The following TTLL5 variants were observed in gnomAD, a reference collection of about 807,000 sequenced individuals.
TTLL5 encodes the protein tubulin tyrosine ligase like 5, also known as tubulin polyglutamylase TTLL5.
Under a neutral mutation model 168.4 loss-of-function variants are expected in TTLL5, and 132 were observed. That is an observed-to-expected ratio of 0.78 (90% CI 0.68 to 0.91). The LOEUF is 0.91. TTLL5 is among the 40% of genes least tolerant of loss of function. The pLI, the probability that TTLL5 is intolerant of heterozygous loss-of-function variation, is 0.00. For missense variants in TTLL5, 1,545 were observed against 1,581.5 expected (o/e 0.98, Z 0.39); for synonymous variants, 546 against 558.6 (o/e 0.98, Z 0.32).
chr14:75,882,074 T>C (rs967046059), intron 29 of TTLL5, among the ~76,000 whole-genome samples: 1 of 152,240 alleles, frequency 6.6e-6, no homozygotes, highest in African/African-American at 2.4e-5. Context: ...TAAAATCTTA[T>C]GTTAATCTTT....
chr14:75,810,347 C>T (rs1423641752), intron 27 of TTLL5, among the ~76,000 whole-genome samples: 1 of 152,060 alleles, frequency 6.6e-6, no homozygotes, highest in Non-Finnish European at 1.5e-5. Context: ...TTCTCTCTCT[C>T]TCTCTCTCTG....
chr14:75,688,804 T>TTC (rs2140134013), intron 5 of TTLL5, among the ~76,000 whole-genome samples: 1 of 152,218 alleles, frequency 6.6e-6, no homozygotes, highest in South Asian at 2.1e-4. Context: ...GAGTAGAGAG[T>TTC]AGGAAAAACA....
chr14:75,884,845 C>T (rs2032016855), intron 30 of TTLL5, among the ~76,000 whole-genome samples: 1 of 151,714 alleles, frequency 6.6e-6, no homozygotes, highest in Non-Finnish European at 1.5e-5. Flanking sequence ...GAAAAGTTCC[C>T]CCTATGAAGT....
At chr14:75,894,300 C>T (rs953541695) in intron 30 of TTLL5, among the ~76,000 whole-genome samples, 5 of 152,196 alleles carry the variant, frequency 3.3e-5, no homozygotes, top group Admixed American at 1.3e-4. Flanking sequence ...GCCTGTAATC[C>T]TAGCACTTTG....
At chr14:75,679,436 CT>C (rs1039117520) in intron 3 of TTLL5, among the ~76,000 whole-genome samples, 1 of 152,216 alleles carries the variant, frequency 6.6e-6, no homozygotes, top group Non-Finnish European at 1.5e-5. Flanking sequence ...TGGTTTTAGC[CT>C]GGTGAGACCT....
At chr14:75,783,035 C>G (rs1226725755) in intron 25 of TTLL5, 112 bp from the exon 26 acceptor site, 4 of 1,223,426 alleles carry the variant, frequency 3.3e-6, no homozygotes, top group Non-Finnish European at 4.4e-6. Flanking sequence ...TTCATGATTT[C>G]TGTTTCATGC....
intron 6 of TTLL5, among the ~76,000 whole-genome samples, chr14:75,691,119 A>G (rs1224662944): frequency 6.6e-6 from 1 of 152,126 alleles, no homozygotes; most frequent in African/African-American, 2.4e-5. Context: ...CTCCCCTTTG[A>G]GTTCAGACTA....
rs564045738 is a variant in TTLL5, at chr14:75,672,232, A to G, written c.181+2710A>G. On this transcript the variant is annotated intron_variant, in intron 3 of 31. Coordinates refer to ENST00000298832, the MANE Select transcript of TTLL5 (RefSeq NM_015072.5). ...ACTTTGTCAGAGTGTAATTGCTAGT[A>G]TTTTATTTTATTTTGTTTTATTTTA... is the stretch of plus-strand genomic sequence containing the variant. Among the ~76,000 whole-genome samples, 5 of 152,120 alleles carry G rather than the reference A, an allele frequency of 3.3e-5. No homozygotes were observed. The South Asian group carries it at 6.2e-4, about 19-fold the overall frequency.
chr14:75,836,826 T>C (rs73315487), intron 28 of TTLL5, among the ~76,000 whole-genome samples: 2,608 of 152,252 alleles, frequency 0.017, 71 homozygotes, highest in African/African-American at 0.059. Flanking sequence ...AATGAAGAGA[T>C]GTGTTGTAAT....
At chr14:75,901,995 G>C (rs181412236) in intron 30 of TTLL5, 147 bp from the exon 31 acceptor site, 24 of 671,780 alleles carry the variant, frequency 3.6e-5, no homozygotes, top group Non-Finnish European at 6.1e-5. Context: ...TCTCTGATAA[G>C]GTGACATTTG....
chr14:75,808,297 A>T lies in TTLL5; in HGVS notation c.3172-11710A>T, dbSNP rs144293833. 1.3e-4 allele frequency among the ~76,000 whole-genome samples: 20 copies of T among 152,322 alleles called. No homozygotes were observed. The East Asian group carries it at 3.7e-3, about 28-fold the overall frequency. On this transcript the variant is annotated intron_variant, in intron 27 of 31. Transcript: ENST00000298832. ...TGCCAAGAGAATTTAGTGCTGAGGT[A>T]TTGGAACTGCAGAGATTCCCTGCTT...
chr14:75,677,674 A>G (rs187889143), intron 3 of TTLL5, among the ~76,000 whole-genome samples: 5 of 151,394 alleles, frequency 3.3e-5, no homozygotes, highest in South Asian at 4.2e-4. Context: ...CTGGAGTGCA[A>G]TGGTGTGATC....
chr14:75,836,457 A>AG (rs1284495974), intron 28 of TTLL5, among the ~76,000 whole-genome samples: 1 of 152,118 alleles, frequency 6.6e-6, no homozygotes, highest in Non-Finnish European at 1.5e-5. Flanking sequence ...CAAAAAAAAA[A>AG]TAGAATGAGT....
chr14:75,825,235 A>G (rs186864529), intron 28 of TTLL5, among the ~76,000 whole-genome samples: 13 of 152,322 alleles, frequency 8.5e-5, no homozygotes, highest in African/African-American at 3.1e-4. Flanking sequence ...GAAACTTAAA[A>G]TTGAACTTGC....
At chr14:75,848,203 G>A (rs1896659119) in intron 28 of TTLL5, among the ~76,000 whole-genome samples, 1 of 151,976 alleles carries the variant, frequency 6.6e-6, no homozygotes, top group Admixed American at 6.6e-5. Context: ...TGCTTCCTGG[G>A]GAAAAGAGAA....
intron 12 of TTLL5, among the ~76,000 whole-genome samples, chr14:75,722,833 A>C (rs1003046810): frequency 6.6e-6 from 1 of 152,060 alleles, no homozygotes; most frequent in Admixed American, 6.6e-5. Context: ...CTACCTCTGC[A>C]CCTGTTTTAC....
At chr14:75,734,129 G>T in intron 14 of TTLL5, 79 bp downstream of exon 14, 1 of 1,416,680 alleles carries the variant, frequency 7.1e-7, no homozygotes, top group East Asian at 2.3e-5. Context: ...CATAGGTTTT[G>T]CCAACTGGCA....
At chr14:75,819,906 G>T (rs1894732126) in intron 27 of TTLL5, 101 bp from the exon 28 acceptor site, 3 of 1,317,096 alleles carry the variant, frequency 2.3e-6, no homozygotes, top group Non-Finnish European at 3.1e-6. Context: ...GCTCAGAGGG[G>T]TCAGCATCTG....
chr14:75,742,680 G>A (rs1889347280), intron 15 of TTLL5, among the ~76,000 whole-genome samples: 2 of 152,156 alleles, frequency 1.3e-5, no homozygotes, highest in South Asian at 4.1e-4. Flanking sequence ...ACAGGTGTGA[G>A]CCACCACACC....
Sources: gnomAD v4.1 joint callset for allele counts (sites outside exome capture counted in the v4.1 genomes callset) on GRCh38, gnomAD v4.1.1 for gene constraint, MANE v1.5 for transcripts, NCBI Gene and HGNC (gene_info 2026-07-23, HGNC 2026-07-21) for gene names.